Variants in MGAT4C observed in about 807,000 individuals in gnomAD.
The protein encoded by MGAT4C is alpha-1,3-mannosyl-glycoprotein 4-beta-N-acetylglucosaminyltransferase C.
A neutral mutation model predicts 40.1 loss-of-function variants in MGAT4C; 19 were observed. The ratio of observed to expected loss-of-function variants is 0.47; its 90% CI spans 0.33 to 0.70. MGAT4C has a LOEUF of 0.70. Among genes scored for constraint, MGAT4C ranks in the 30% least tolerant of loss-of-function variants. The pLI, the probability that MGAT4C is intolerant of heterozygous loss-of-function variation, is 0.02. For missense variants in MGAT4C, 491 were observed against 563.2 expected (o/e 0.87, Z 1.30); for synonymous variants, 181 against 187.1 (o/e 0.97, Z 0.27).
chr12:86,512,432 A>T (rs956445684), intron 2 of MGAT4C, among the ~76,000 whole-genome samples: 4 of 152,144 alleles, frequency 2.6e-5, no homozygotes, highest in African/African-American at 9.7e-5. Flanking sequence ...AACTAAAACC[A>T]GGATCTTGAT....
At chr12:86,210,542 T>G in intron 1 of MGAT4C, among the ~76,000 whole-genome samples, 1 of 152,198 alleles carries the variant, frequency 6.6e-6, no homozygotes, top group Middle Eastern at 3.2e-3. Flanking sequence ...AATGATTTCT[T>G]GAGTTCTAGG....
At chr12:86,165,268 GACA>G (rs1485379039) in intron 1 of MGAT4C, among the ~76,000 whole-genome samples, 1 of 151,952 alleles carries the variant, frequency 6.6e-6, no homozygotes, top group Non-Finnish European at 1.5e-5. Context: ...TGCATTTGTT[GACA>G]ACATCACAAA....
intron 1 of MGAT4C, among the ~76,000 whole-genome samples, chr12:86,752,434 A>G (rs1951242011): frequency 6.6e-6 from 1 of 152,080 alleles, no homozygotes; most frequent in Non-Finnish European, 1.5e-5. Context: ...AGAATAGTCA[A>G]AGCAAGCAAG....
chr12:86,139,162 A>G (rs2135733588), intron 1 of MGAT4C, among the ~76,000 whole-genome samples: 1 of 152,262 alleles, frequency 6.6e-6, no homozygotes, highest in East Asian at 1.9e-4. Flanking sequence ...TGTGTTTTAC[A>G]GTGTTTTATT....
chr12:86,738,344 C>T (rs1951015981), intron 1 of MGAT4C, among the ~76,000 whole-genome samples: 3 of 151,356 alleles, frequency 2.0e-5, no homozygotes, highest in Admixed American at 2.0e-4. Context: ...AATTCTTAGA[C>T]TTAACATGTC....
intron 2 of MGAT4C, among the ~76,000 whole-genome samples, chr12:86,547,114 T>A (rs1356479383): frequency 6.6e-6 from 1 of 152,086 alleles, no homozygotes; most frequent in Non-Finnish European, 1.5e-5. Context: ...CATGTTTTAT[T>A]TTTATTTTGC....
rs1217373383 is a variant in MGAT4C, at chr12:86,613,580, A to C, written c.-229+113629T>G. Among the ~76,000 whole-genome samples the C allele has an allele frequency of 4.6e-5, 7 of 152,286 alleles. 1 individual carries two copies. Among genetic ancestry groups the C allele is most frequent in the Admixed American group, 4.6e-4 (7 of 15,294 alleles). On this transcript the variant is annotated intron_variant, in intron 2 of 7. Transcript: ENST00000548651. ...TATTTCACAGCTGTCAAAAAGCATA[A>C]TCTTGAAATATGACTTTTTAAAGTA...
chr12:86,424,548 G>A (rs1263010694), intron 3 of MGAT4C, among the ~76,000 whole-genome samples: 3 of 152,098 alleles, frequency 2.0e-5, no homozygotes, highest in Admixed American at 6.6e-5. Flanking sequence ...TCTGAGCAAC[G>A]GCTGACTGTT....
chr12:86,358,359 G>A (rs2136198842), intron 3 of MGAT4C, among the ~76,000 whole-genome samples: 1 of 152,268 alleles, frequency 6.6e-6, no homozygotes, highest in African/African-American at 2.4e-5. Flanking sequence ...ACCACTACCA[G>A]CCACTGCAAA....
At chr12:86,176,690 ATT>A (rs1293249316) in intron 1 of MGAT4C, among the ~76,000 whole-genome samples, 1 of 151,478 alleles carries the variant, frequency 6.6e-6, no homozygotes, top group Non-Finnish European at 1.5e-5. Flanking sequence ...GGATATTCTG[ATT>A]TTTTATAAAT....
intron 2 of MGAT4C, among the ~76,000 whole-genome samples, chr12:86,542,197 C>T (rs1041537135): frequency 9.2e-5 from 14 of 152,098 alleles, no homozygotes; most frequent in African/African-American, 3.1e-4. Context: ...TTTAACAAGC[C>T]CTTTGTGATT....
At chr12:86,679,145 C>A (rs1949930683) in intron 2 of MGAT4C, among the ~76,000 whole-genome samples, 1 of 152,116 alleles carries the variant, frequency 6.6e-6, no homozygotes. Flanking sequence ...GATGGTATCT[C>A]ATTGTGGTTT....
chr12:86,173,099 C>T (rs1887023035), intron 1 of MGAT4C, among the ~76,000 whole-genome samples: 1 of 152,070 alleles, frequency 6.6e-6, no homozygotes, highest in Admixed American at 6.6e-5. Context: ...CCAGTTCAGG[C>T]TGGGCTAAAT....
intron 1 of MGAT4C, among the ~76,000 whole-genome samples, chr12:86,237,856 A>G (rs1365934564): frequency 1.3e-5 from 2 of 151,946 alleles, no homozygotes; most frequent in African/African-American, 2.4e-5. Context: ...ATCTTGAAGG[A>G]AAATAATAAC....
chr12:86,530,321 C>T (rs552233400), intron 2 of MGAT4C, among the ~76,000 whole-genome samples: 2 of 152,016 alleles, frequency 1.3e-5, no homozygotes, highest in Admixed American at 6.6e-5. Flanking sequence ...TTTCAAACAT[C>T]TAAACTGAAT....
At chr12:86,212,954 T>C (rs1950541240) in intron 1 of MGAT4C, among the ~76,000 whole-genome samples, 1 of 150,476 alleles carries the variant, frequency 6.6e-6, no homozygotes, top group South Asian at 2.1e-4. Flanking sequence ...AGATTATTGT[T>C]TTTATAAATG....
intron 1 of MGAT4C, among the ~76,000 whole-genome samples, chr12:86,075,893 CCT>C (rs1469902195): frequency 6.6e-6 from 1 of 152,246 alleles, no homozygotes; most frequent in Non-Finnish European, 1.5e-5. Flanking sequence ...GCTGTGAAGA[CCT>C]CTGACATGCT....
intron 1 of MGAT4C, among the ~76,000 whole-genome samples, chr12:86,197,401 C>T (rs1949857382): frequency 6.6e-6 from 1 of 152,034 alleles, no homozygotes; most frequent in Admixed American, 6.6e-5. Flanking sequence ...AAATTCTAAC[C>T]TTCAGTCTGA....
At chr12:86,220,694 T>C (rs989221302) in intron 1 of MGAT4C, among the ~76,000 whole-genome samples, 1 of 152,202 alleles carries the variant, frequency 6.6e-6, no homozygotes, top group African/African-American at 2.4e-5. Context: ...GGCAACTCCA[T>C]GTCTCAATAA....
Sources: gnomAD v4.1 joint callset for allele counts (sites outside exome capture counted in the v4.1 genomes callset) on GRCh38, gnomAD v4.1.1 for gene constraint, MANE v1.5 for transcripts, NCBI Gene and HGNC (gene_info 2026-07-23, HGNC 2026-07-21) for gene names.